The following RAD51B variants were observed in gnomAD, a reference collection of about 807,000 sequenced individuals.
RAD51B encodes RAD51 paralog B, also known as DNA repair protein RAD51 homolog 2.
RAD51B carries 38 observed loss-of-function variants against 42.2 expected under a neutral mutation model. That is an observed-to-expected ratio of 0.90 (90% CI 0.70 to 1.18). The LOEUF (loss-of-function observed/expected upper bound fraction) is 1.18, where lower values mean the gene tolerates loss of function less well. RAD51B is among the 50% of genes most tolerant of loss of function. RAD51B has a pLI of 0.00. For missense variants in RAD51B, 373 were observed against 400.7 expected, an observed-to-expected ratio of 0.93 and a Z score of 0.59; for synonymous variants, 154 against 145.2, an observed-to-expected ratio of 1.06 and a Z score of -0.43.
intron 7 of RAD51B, among the ~76,000 whole-genome samples, chr14:68,270,571 A>G (rs2081085627): frequency 6.6e-6 from 1 of 152,226 alleles, no homozygotes; most frequent in South Asian, 2.1e-4. Flanking sequence ...ACAGGGGTTC[A>G]GCCAGTCTTC....
chr14:68,164,883 A>C (rs915243547), intron 7 of RAD51B, among the ~76,000 whole-genome samples: 20 of 152,180 alleles, frequency 1.3e-4, no homozygotes, highest in African/African-American at 4.6e-4. Flanking sequence ...ACAGTGGCCA[A>C]AGGTCCTAGC....
intron 7 of RAD51B, among the ~76,000 whole-genome samples, chr14:68,042,069 G>T (rs1223112975): frequency 6.6e-6 from 1 of 152,132 alleles, no homozygotes; most frequent in African/African-American, 2.4e-5. Context: ...ACTCCAGTGC[G>T]TCATCAGCAT....
chr14:68,650,589 C>T (rs1892680370), intron 10 of RAD51B, among the ~76,000 whole-genome samples: 1 of 152,180 alleles, frequency 6.6e-6, no homozygotes, highest in Non-Finnish European at 1.5e-5. Context: ...TGGGGATGAG[C>T]CAAGAAATGT....
At position 68,166,593 on chromosome 14, in the gene RAD51B, A is replaced by T. The variant is rs200712111; in HGVS notation, c.757-125291A>T. Among the ~76,000 whole-genome samples the T allele has an allele frequency of 4.6e-5, 7 of 152,280 alleles. No individual in the cohort carries two copies. The East Asian group carries it at 1.3e-3, about 29-fold the overall frequency. ...AATTTTAAATAATTTGAGAATACTT[A>T]CCTGGTTAGTAGGCTAAACTAACGT... On this transcript the variant is annotated intron_variant, in intron 7 of 10. Transcript: ENST00000471583.
At chr14:68,377,996 G>A (rs920567696) in intron 8 of RAD51B, among the ~76,000 whole-genome samples, 1 of 152,054 alleles carries the variant, frequency 6.6e-6, no homozygotes, top group Non-Finnish European at 1.5e-5. Flanking sequence ...TGTTAAGCTG[G>A]TCATTCTGAA....
chr14:68,157,458 A>G (rs933658074), intron 7 of RAD51B, among the ~76,000 whole-genome samples: 2 of 152,238 alleles, frequency 1.3e-5, no homozygotes, highest in Admixed American at 1.3e-4. Flanking sequence ...AATAAAAGGT[A>G]TGGAATTAGG....
chr14:68,244,750 G>A (rs1280540780), intron 7 of RAD51B, among the ~76,000 whole-genome samples: 2 of 152,192 alleles, frequency 1.3e-5, no homozygotes, highest in Admixed American at 1.3e-4. Flanking sequence ...ATCCACCCAT[G>A]CATGGCCATT....
At chr14:68,508,431 C>G (rs940366928) in intron 10 of RAD51B, among the ~76,000 whole-genome samples, 1 of 152,208 alleles carries the variant, frequency 6.6e-6, no homozygotes, top group African/African-American at 2.4e-5. Context: ...ACAGGCCACT[C>G]GCTATCCTTT....
chr14:68,511,920 C>G (rs1462433953), intron 10 of RAD51B, among the ~76,000 whole-genome samples: 1 of 152,168 alleles, frequency 6.6e-6, no homozygotes, highest in Admixed American at 6.5e-5. Flanking sequence ...TTTACTACCT[C>G]CTATGTGTCA....
intron 10 of RAD51B, among the ~76,000 whole-genome samples, chr14:68,476,816 G>T (rs180846493): frequency 2.5e-3 from 386 of 152,302 alleles, no homozygotes; most frequent in Non-Finnish European, 4.3e-3. Context: ...ACCTACTGGG[G>T]TGTCTGTGTC....
chr14:68,549,409 A>ATTTTTTTTTTTTTTTTTTTTTTTTTTT lies in RAD51B; in HGVS notation c.1037-45052_1037-45051insTTTTTTTTTTTTTTTTTTTTTTTTTTT, dbSNP rs71129897. ...AGTGCTTCATCCATGCCCTGGACAC[A>ATTTTTTTTTTTTTTTTTTTTTTTTTTT]TTTTTTTTTTTTTTTTTTTTTTTTG... On this transcript the variant is annotated intron_variant, in intron 10 of 10. Coordinates refer to the RAD51B transcript ENST00000487270. 3.9e-4 allele frequency among the ~76,000 whole-genome samples: 25 copies of ATTTTTTTTTTTTTTTTTTTTTTTTTTT among 63,564 alleles called. 2 individuals carry two copies. Among genetic ancestry groups the ATTTTTTTTTTTTTTTTTTTTTTTTTTT allele is most frequent in the Non-Finnish European group, 6.5e-4 (20 of 30,628 alleles). The allele number at this position is 63,564 out of a possible 152,430, so 41.7% of individuals were successfully genotyped here. A position where few individuals can be genotyped will look rare whatever the true frequency, so the allele number is the denominator to read the frequency against.
chr14:68,014,173 T>C (rs1439316691), intron 7 of RAD51B, among the ~76,000 whole-genome samples: 1 of 151,058 alleles, frequency 6.6e-6, no homozygotes, highest in African/African-American at 2.4e-5. Context: ...TTGCCTTTTC[T>C]CTCTCCCTCT....
chr14:68,586,115 C>T (rs75890332), intron 10 of RAD51B, among the ~76,000 whole-genome samples: 1 of 151,940 alleles, frequency 6.6e-6, no homozygotes, highest in African/African-American at 2.4e-5. Flanking sequence ...TCATTAAAGG[C>T]GGGTGAAAAA....
chr14:67,977,777 T>C lies in RAD51B; in HGVS notation c.756+90573T>C, dbSNP rs17104832. ...GCCTAAAAATAACATTGTGGTTAAT[T>C]GTGTTCCATAATATTCTTGGCATAC... is the stretch of plus-strand genomic sequence containing the variant. On this transcript the variant is annotated intron_variant, in intron 7 of 10. Coordinates refer to ENST00000471583, the MANE Select transcript of RAD51B (RefSeq NM_133510.4). Among the ~76,000 whole-genome samples, 1,260 of 152,282 alleles carry C rather than the reference T, an allele frequency of 8.3e-3. 19 individuals carry two copies. The highest frequency in any genetic ancestry group is 0.029 in the African/African-American group (1,213 of 41,564).
chr14:67,873,356 A>G lies in RAD51B; in HGVS notation c.452+8217A>G, dbSNP rs928318984. On this transcript the variant is annotated intron_variant, in intron 5 of 10. Coordinates refer to ENST00000471583, the MANE Select transcript of RAD51B (RefSeq NM_133510.4). ...GAAAAAATGCTCACCATCACTGGCC[A>G]TCAGAGAAATGCAACTCAAAACCAC... 9.0e-3 allele frequency among the ~76,000 whole-genome samples: 1,368 copies of G among 152,340 alleles called. 22 individuals are homozygous for G. The highest frequency in any genetic ancestry group is 0.031 in the African/African-American group (1,294 of 41,572).
chr14:67,825,578 G>C lies in RAD51B; in HGVS notation c.198+1G>C, dbSNP rs759079039. On this transcript the variant is annotated splice_donor_variant, in intron 3 of 10. Transcript: ENST00000471583. LOFTEE classifies it high-confidence loss of function. ...GGCCTGTGCCCCAAAGATGCAAACG[G>C]TATATTTATATTTTATTATGATTTG... The C allele has an allele frequency of 2.5e-6, 4 of 1,575,644 alleles. No homozygotes were observed. Among genetic ancestry groups the C allele is most frequent in the Non-Finnish European group, 3.5e-6 (4 of 1,154,476 alleles).
rs775121429 is a variant in RAD51B, at chr14:68,477,698, G to A, written c.*34G>A. The A allele has an allele frequency of 1.4e-5, 23 of 1,610,266 alleles. No homozygotes were observed. The East Asian group carries it at 4.2e-4, about 30-fold the overall frequency. ...TGACCTTTGTCTAGAGTTGATGGGG[G>A]TGTGATTTGTGAAATAAAACAGGAC... On this transcript the variant is annotated 3_prime_UTR_variant, in exon 11 of 11. Transcript: ENST00000471583.
chr14:68,121,077 G>A (rs2077643028), intron 7 of RAD51B, among the ~76,000 whole-genome samples: 1 of 152,154 alleles, frequency 6.6e-6, no homozygotes, highest in Non-Finnish European at 1.5e-5. Context: ...GGAAGTTAGT[G>A]TCCCTGAGAT....
intron 10 of RAD51B, among the ~76,000 whole-genome samples, chr14:68,579,794 G>A (rs1890129447): frequency 6.6e-6 from 1 of 152,186 alleles, no homozygotes; most frequent in South Asian, 2.1e-4. Flanking sequence ...CTGCCCCACT[G>A]TCAGAGTGTC....
Sources: gnomAD v4.1 joint callset for allele counts (sites outside exome capture counted in the v4.1 genomes callset) on GRCh38, gnomAD v4.1.1 for gene constraint, MANE v1.5 for transcripts, NCBI Gene and HGNC (gene_info 2026-07-23, HGNC 2026-07-21) for gene names.